SLC26A5: variants seen among roughly 807,000 people sequenced by gnomAD.
SLC26A5 encodes solute carrier family 26 member 5.
In SLC26A5, 51 loss-of-function variants were observed where a neutral mutation model predicts 81.0. The ratio of observed to expected loss-of-function variants is 0.63; its 90% CI spans 0.50 to 0.80. The LOEUF (loss-of-function observed/expected upper bound fraction) is 0.80, where lower values mean the gene tolerates loss of function less well. Ranked by LOEUF, SLC26A5 falls within the 30% of genes least tolerant of loss-of-function variation. The pLI is 0.00. For synonymous variants in SLC26A5, 325 were observed against 332.8 expected, an observed-to-expected ratio of 0.98 and a Z score of 0.25; for missense variants, 771 against 905.8, an observed-to-expected ratio of 0.85 and a Z score of 1.91.
chr7:103,370,850 T>C (rs1050512883), downstream of SLC26A5, among the ~76,000 whole-genome samples: 2 of 152,260 alleles, frequency 1.3e-5, no homozygotes, highest in African/African-American at 4.8e-5. Context: ...CAAAGGACTT[T>C]TCTTTATGGG....
intron 9 of SLC26A5, among the ~76,000 whole-genome samples, chr7:103,396,673 GGAA>G (rs1823137047): frequency 6.6e-6 from 1 of 152,252 alleles, no homozygotes; most frequent in African/African-American, 2.4e-5. Context: ...GGGGGCTGGG[GGAA>G]GAAGAAAAGA....
rs1200945437 is a variant in SLC26A5 at position 103,394,688 on chromosome 7, T to C, written c.972-1622A>G. Among the ~76,000 whole-genome samples, 6 of 152,300 alleles carry C rather than the reference T, an allele frequency of 3.9e-5. No homozygotes were observed. In the East Asian group the frequency reaches 7.7e-4, roughly 20 times the overall value. Reference sequence around the variant, plus strand: ...ATTTATATGTGTAGGTACGTGTATATAGAAGCATGGTAGTTTGCCTCCAAA... The same window carrying C: ...ATTTATATGTGTAGGTACGTGTATACAGAAGCATGGTAGTTTGCCTCCAAA... On this transcript the variant is annotated intron_variant, in intron 9 of 19. Coordinates refer to ENST00000306312, the MANE Select transcript of SLC26A5 (RefSeq NM_198999.3).
intron 4 of SLC26A5, among the ~76,000 whole-genome samples, chr7:103,414,899 G>C (rs1824788205): frequency 6.6e-6 from 1 of 152,152 alleles, no homozygotes; most frequent in South Asian, 2.1e-4. Context: ...GAAATGGATA[G>C]GGTTTTAACC....
intron 19 of SLC26A5, 42 bp downstream of exon 19, chr7:103,376,766 A>G: frequency 7.3e-7 from 1 of 1,374,200 alleles, no homozygotes. Context: ...GAGAAACAAA[A>G]CTAAAATATT....
chr7:103,355,864 G>T, intron 19 of SLC26A5: 1 of 1,044,666 alleles, frequency 9.6e-7, no homozygotes, highest in Non-Finnish European at 1.4e-6. Flanking sequence ...GAGTCTCAGG[G>T]ATAATGCAAT....
chr7:103,382,579 A>G (rs1821889218), intron 14 of SLC26A5, among the ~76,000 whole-genome samples: 1 of 151,882 alleles, frequency 6.6e-6, no homozygotes, highest in Non-Finnish European at 1.5e-5. Flanking sequence ...CAAACTCCTG[A>G]CCTCAAGTCA....
chr7:103,372,131 G>C (rs1403422123), downstream of SLC26A5, among the ~76,000 whole-genome samples: 1 of 152,220 alleles, frequency 6.6e-6, no homozygotes, highest in Non-Finnish European at 1.5e-5. Context: ...GTCCGTATCA[G>C]AATGCAGATG....
At chr7:103,412,923 A>AC in intron 5 of SLC26A5, 79 bp downstream of exon 5, 1 of 1,039,566 alleles carries the variant, frequency 9.6e-7, no homozygotes. Flanking sequence ...TTTAATAATG[A>AC]CCATGCTATT....
chr7:103,382,760 G>T (rs576068769), intron 14 of SLC26A5, among the ~76,000 whole-genome samples: 1 of 151,540 alleles, frequency 6.6e-6, no homozygotes, highest in Admixed American at 6.5e-5. Flanking sequence ...GAACAATGCT[G>T]CTGGGCACAT....
chr7:103,414,189 C>A (rs948959354), intron 4 of SLC26A5, among the ~76,000 whole-genome samples: 5 of 136,282 alleles, frequency 3.7e-5, no homozygotes, highest in Non-Finnish European at 6.2e-5. Flanking sequence ...TTTGCCCCCC[C>A]CTTTTTTTTT....
Position 103,421,553 on chromosome 7 carries a change from A to G in SLC26A5, c.-39T>C, listed in dbSNP as rs776039712. 6 of 1,609,114 alleles carry G rather than the reference A, an allele frequency of 3.7e-6. No individual in the cohort carries two copies. The South Asian group carries it at 4.4e-5, about 12-fold the overall frequency. On this transcript the variant is annotated 5_prime_UTR_variant, in exon 3 of 20. The change abolishes an upstream ATG in the 5' untranslated region. Coordinates refer to ENST00000306312, the MANE Select transcript of SLC26A5 (RefSeq NM_198999.3). ...TATTCCTTAACAGCCGGAGACAAGC[A>G]TTTCCTGAGTGTCACTAGGGGAAAA...
At chr7:103,382,577 T>C (rs537852257) in intron 14 of SLC26A5, among the ~76,000 whole-genome samples, 41 of 152,154 alleles carry the variant, frequency 2.7e-4, no homozygotes, top group African/African-American at 9.9e-4. Flanking sequence ...CTCAAACTCC[T>C]GACCTCAAGT....
intron 11 of SLC26A5, 55 bp from the exon 12 acceptor site, chr7:103,390,561 G>T: frequency 7.0e-7 from 1 of 1,428,208 alleles, no homozygotes; most frequent in Non-Finnish European, 9.9e-7. Flanking sequence ...ATAAGAGGCA[G>T]GGCATAAGTT....
intron 2 of SLC26A5, among the ~76,000 whole-genome samples, chr7:103,438,731 A>G (rs1218929296): frequency 6.6e-6 from 1 of 152,140 alleles, no homozygotes; most frequent in African/African-American, 2.4e-5. Flanking sequence ...ATTTCAGACT[A>G]CTAGAAATAG....
At chr7:103,366,022 A>G (rs1820701585) in intron 19 of SLC26A5, 1 of 1,390,026 alleles carries the variant, frequency 7.2e-7, no homozygotes, top group Non-Finnish European at 1.0e-6. Context: ...CTTTTTACTT[A>G]TTTTAAAATA....
At chr7:103,430,599 T>TTCTGCCTGCTGTTTCAGCA (rs6150261) in intron 2 of SLC26A5, among the ~76,000 whole-genome samples, 1 of 151,676 alleles carries the variant, frequency 6.6e-6, no homozygotes, top group Non-Finnish European at 1.5e-5. Flanking sequence ...CCAGAGAGGA[T>TTCTGCCTGCTGTTTCAGCA]GGCTTTGGAG....
chr7:103,354,762 GATA>G, intron 19 of SLC26A5: 1 of 702,212 alleles, frequency 1.4e-6, no homozygotes, highest in Non-Finnish European at 2.5e-6. Flanking sequence ...CAAGCTTTGG[GATA>G]ATGATAGCTA....
At chr7:103,377,513 G>A (rs1325702137) in intron 18 of SLC26A5, 86 bp downstream of exon 18, 22 of 1,263,492 alleles carry the variant, frequency 1.7e-5, no homozygotes, top group Non-Finnish European at 2.3e-5. Context: ...TTGTTGAAAA[G>A]AGAGCCTAGC....
intron 19 of SLC26A5, among the ~76,000 whole-genome samples, chr7:103,353,463 T>C (rs1819844357): frequency 2.6e-5 from 4 of 152,132 alleles, no homozygotes; most frequent in Admixed American, 2.6e-4. Context: ...TGCGCCACCA[T>C]GCCAGGCCAA....
Sources: allele counts gnomAD v4.1 joint callset (sites outside exome capture counted in the v4.1 genomes callset), GRCh38; gene constraint gnomAD v4.1.1; transcripts MANE v1.5; gene names NCBI Gene and HGNC (gene_info 2026-07-23, HGNC 2026-07-21).